SMURF1: variants seen among roughly 807,000 people sequenced by gnomAD.
The protein encoded by SMURF1 is SMAD specific E3 ubiquitin protein ligase 1, also known as E3 ubiquitin-protein ligase SMURF1.
SMURF1 carries 44 observed loss-of-function variants against 98.0 expected under a neutral mutation model. The ratio of observed to expected loss-of-function variants is 0.45; its 90% confidence interval spans 0.35 to 0.58. The LOEUF (loss-of-function observed/expected upper bound fraction) is 0.58, where lower values mean the gene tolerates loss of function less well. SMURF1 is among the 20% of genes least tolerant of loss of function. The pLI, the probability that SMURF1 is intolerant of heterozygous loss-of-function variation, is 0.00. For synonymous variants in SMURF1, 396 were observed against 374.9 expected, an observed-to-expected ratio of 1.06 and a Z score of -0.65; for missense variants, 687 against 938.4, an observed-to-expected ratio of 0.73 and a Z score of 3.50.
chr7:99,063,235 A>ATTTATT, intron 1 of SMURF1, among the ~76,000 whole-genome samples: 1 of 18,702 alleles, frequency 5.3e-5, no homozygotes, highest in Non-Finnish European at 1.2e-4. Context: ...TATATATAAG[A>ATTTATT]TTTATTTATA....
intron 1 of SMURF1, among the ~76,000 whole-genome samples, chr7:99,102,345 CA>C (rs1280127597): frequency 1.3e-5 from 2 of 152,056 alleles, no homozygotes; most frequent in African/African-American, 4.8e-5. Flanking sequence ...GTTAAAATGG[CA>C]AATTTTATAA....
chr7:99,099,441 T>C (rs1210283863), intron 1 of SMURF1, among the ~76,000 whole-genome samples: 6 of 152,114 alleles, frequency 3.9e-5, no homozygotes, highest in Non-Finnish European at 8.8e-5. Flanking sequence ...AATACCTAAT[T>C]TCTTACAGAG....
intron 16 of SMURF1, among the ~76,000 whole-genome samples, chr7:99,035,257 T>C (rs1795092009): frequency 6.6e-6 from 1 of 152,170 alleles, no homozygotes; most frequent in Non-Finnish European, 1.5e-5. Flanking sequence ...TCTTGGCTTT[T>C]TGGAAGCAGT....
intron 17 of SMURF1, chr7:99,031,106 A>C (rs1415090017): frequency 6.1e-6 from 1 of 164,710 alleles, no homozygotes; most frequent in Non-Finnish European, 1.3e-5. Context: ...TTTGGGAGAA[A>C]TTCTTTCTCT....
At position 99,098,205 on chromosome 7, in the gene SMURF1, G is replaced by C. The variant is rs190540449; in HGVS notation, c.56-36368C>G. 5.9e-4 allele frequency among the ~76,000 whole-genome samples: 90 copies of C among 152,288 alleles called. 1 individual carries two copies. The East Asian group carries it at 8.7e-3, about 15-fold the overall frequency. On this transcript the variant is annotated intron_variant, in intron 1 of 17. Transcript: ENST00000361368. ...TCTCCTTATTTCAGGAGTTAAATCT[G>C]ATCCTCACATTTTAAATCTAACAGA...
intron 1 of SMURF1, among the ~76,000 whole-genome samples, chr7:99,082,007 G>A (rs931359874): frequency 2.6e-5 from 4 of 152,128 alleles, no homozygotes; most frequent in East Asian, 1.9e-4. Flanking sequence ...ATCTCACCAC[G>A]GTTTTGATTG....
chr7:99,041,575 G>A (rs944934502), intron 12 of SMURF1, among the ~76,000 whole-genome samples: 12 of 152,316 alleles, frequency 7.9e-5, no homozygotes, highest in Admixed American at 3.9e-4. Context: ...AGCCTGTCCC[G>A]ACTTCGCCTC....
chr7:99,058,597 C>T (rs1795944132), intron 3 of SMURF1, among the ~76,000 whole-genome samples: 1 of 152,190 alleles, frequency 6.6e-6, no homozygotes, highest in African/African-American at 2.4e-5. Context: ...CATTTACTGT[C>T]ACTGCAAGTC....
intron 2 of SMURF1, among the ~76,000 whole-genome samples, 182 bp from the exon 3 acceptor site, chr7:99,060,889 A>C (rs566475297): frequency 2.0e-5 from 3 of 150,208 alleles, no homozygotes; most frequent in Non-Finnish European, 3.0e-5. Context: ...GGTAGAAAAG[A>C]AAGTGACTGA....
chr7:99,068,348 G>C (rs185473375), intron 1 of SMURF1, among the ~76,000 whole-genome samples: 254 of 152,272 alleles, frequency 1.7e-3, no homozygotes, highest in Non-Finnish European at 3.2e-3. Flanking sequence ...TAGAGTGCAG[G>C]GGCACAATCA....
chr7:99,084,748 T>C lies in SMURF1; in HGVS notation c.56-22911A>G, dbSNP rs139669994. ...GCAAAAGGTATCCAGAAATCCTCTA[T>C]ACTCCCTCCCCGACCAAATGCACAG... On this transcript the variant is annotated intron_variant, in intron 1 of 17. Transcript: ENST00000361368. Among the ~76,000 whole-genome samples the C allele has an allele frequency of 1.1e-3, 164 of 152,248 alleles. 1 individual carries two copies. The highest frequency in any genetic ancestry group is 3.7e-3 in the African/African-American group (154 of 41,548).
chr7:99,110,622 C>A (rs1032445697), intron 1 of SMURF1, among the ~76,000 whole-genome samples: 26 of 152,224 alleles, frequency 1.7e-4, no homozygotes, highest in Non-Finnish European at 1.3e-4. Context: ...CAGACTGGAA[C>A]AAATGCAAAA....
chr7:99,076,165 G>A (rs11765646), intron 1 of SMURF1, among the ~76,000 whole-genome samples: 101,817 of 152,168 alleles, frequency 0.67, 34,198 homozygotes, highest in African/African-American at 0.74. Context: ...ACAGCCTACC[G>A]AAGTGCTGGG....
At chr7:99,060,929 A>G (rs952842106) in intron 2 of SMURF1, among the ~76,000 whole-genome samples, 1 of 152,036 alleles carries the variant, frequency 6.6e-6, no homozygotes, top group African/African-American at 2.4e-5. Context: ...TCAAATTTCT[A>G]TTAAAGTGGG....
In SMURF1 at chr7:99,052,371, G is replaced by A. The variant is rs1339909537; in HGVS notation, c.555C>T (p.Ser185=). The change falls in exon 7 of 18, where the codon AGC becomes AGT. Residue 185 remains serine (S), a synonymous_variant. Coordinates refer to ENST00000361368, the MANE Select transcript of SMURF1 (RefSeq NM_181349.3). ...FMEEPAPYTD[S]TGAAAGGGNC... The stretch of plus-strand genomic sequence containing the variant: ...TCCCTCCTCCAGCAGCAGCACCGGT[G>A]CTATCTGTGTAAGGGGCTGGTTCCT... 6.2e-7 allele frequency: 1 copy of A among 1,612,250 alleles called. No individual in the cohort carries two copies.
rs537533220 is a variant in SMURF1, at chr7:99,046,826, C to T, written c.1152+858G>A. 1.5e-4 allele frequency among the ~76,000 whole-genome samples: 23 copies of T among 151,882 alleles called. 1 individual carries two copies. The South Asian group carries it at 2.9e-3, about 19-fold the overall frequency. On this transcript the variant is annotated intron_variant, in intron 10 of 17. Coordinates refer to ENST00000361368, the MANE Select transcript of SMURF1 (RefSeq NM_181349.3). ...GCTGGTAGTGAAGTCAGTACTTCAG[C>T]GCTTTTCTAGCCCTGCAACAAGGGC...
At chr7:99,056,768 C>T (rs1482593933) in intron 5 of SMURF1, among the ~76,000 whole-genome samples, 1 of 152,038 alleles carries the variant, frequency 6.6e-6, no homozygotes, top group Non-Finnish European at 1.5e-5. Context: ...TTTGGGAGGC[C>T]AAGGCGGGCA....
In SMURF1 at chr7:99,056,839, C is replaced by T. The variant is rs148026951; in HGVS notation, c.403+366G>A. On this transcript the variant is annotated intron_variant, in intron 5 of 17. Transcript: ENST00000361368. ...CCAACATGGTGAAACTCCGCCTCTA[C>T]TAAAAATACAAAAATTAGCCAGGCG... is the stretch of plus-strand genomic sequence containing the variant. Among the ~76,000 whole-genome samples, 938 of 152,090 alleles carry T rather than the reference C, an allele frequency of 6.2e-3. 10 individuals are homozygous for T. The highest frequency in any genetic ancestry group is 0.021 in the African/African-American group (874 of 41,492).
intron 1 of SMURF1, among the ~76,000 whole-genome samples, chr7:99,090,928 G>A (rs1796794868): frequency 2.0e-5 from 3 of 152,140 alleles, no homozygotes; most frequent in Non-Finnish European, 2.9e-5. Flanking sequence ...TGACAGCTAC[G>A]CTCTAGTTAG....
Sources: allele counts gnomAD v4.1 joint callset (sites outside exome capture counted in the v4.1 genomes callset), GRCh38; gene constraint gnomAD v4.1.1; transcripts MANE v1.5; gene names NCBI Gene and HGNC (gene_info 2026-07-23, HGNC 2026-07-21).